B4GALT1: variants seen among roughly 807,000 people sequenced by gnomAD.
The protein encoded by B4GALT1 is N-acetyllactosamine synthase.
A neutral mutation model predicts 34.9 loss-of-function variants in B4GALT1; 16 were observed. The ratio of observed to expected loss-of-function variants is 0.46; its 90% CI spans 0.31 to 0.70. The LOEUF (loss-of-function observed/expected upper bound fraction) is 0.70, where lower values mean the gene tolerates loss of function less well. B4GALT1 is among the 30% of genes least tolerant of loss of function. The pLI is 0.05. For missense variants in B4GALT1, 445 were observed against 530.5 expected, an observed-to-expected ratio of 0.84 and a Z score of 1.58; for synonymous variants, 221 against 218.1, an observed-to-expected ratio of 1.01 and a Z score of -0.12.
At chr9:33,131,245 A>G (rs1840190222) in intron 2 of B4GALT1, among the ~76,000 whole-genome samples, 1 of 152,080 alleles carries the variant, frequency 6.6e-6, no homozygotes, top group Admixed American at 6.5e-5. Flanking sequence ...CCGCAGCCCT[A>G]CTGTTGTCTA....
Position 33,166,974 on chromosome 9 carries a change from T to A in B4GALT1, c.196A>T (p.Ser66Cys). Residue 66 changes from serine (S) to cysteine (C), a missense_variant, in exon 1 of 6, where the codon AGT becomes TGT. Physicochemically the swap from Ser to Cys is moderately radical, Grantham distance 112. Transcript: ENST00000379731. ...VSTPLQGGSN[S>C]AAAIGQSSGE... ...GAGGACTGCCCGATGGCGGCGGCAC[T>A]GTTCGAGCCGCCCTGCAGCGGTGTG... 1 of 1,584,090 alleles carries A rather than the reference T, an allele frequency of 6.3e-7. No individual in the cohort carries two copies. The highest frequency in any genetic ancestry group is 8.5e-7 in the Non-Finnish European group (1 of 1,172,094).
At chr9:33,154,868 T>C (rs990486550) in intron 1 of B4GALT1, among the ~76,000 whole-genome samples, 3 of 152,074 alleles carry the variant, frequency 2.0e-5, no homozygotes, top group Non-Finnish European at 4.4e-5. Flanking sequence ...CGGCTATAAT[T>C]AGTGTATTTT....
At chr9:33,128,126 A>G (rs536141085) in intron 2 of B4GALT1, among the ~76,000 whole-genome samples, 2 of 152,318 alleles carry the variant, frequency 1.3e-5, no homozygotes, top group South Asian at 4.1e-4. Context: ...TAGGAGGCGG[A>G]AAGTACAGAA....
At chr9:33,141,407 C>T (rs1199159928) in intron 1 of B4GALT1, among the ~76,000 whole-genome samples, 1 of 152,082 alleles carries the variant, frequency 6.6e-6, no homozygotes, top group Non-Finnish European at 1.5e-5. Context: ...ATCCCAGCTA[C>T]TTAGGAGGCT....
At chr9:33,172,401 C>T in the B4GALT1 span, among the ~76,000 whole-genome samples, 6 of 152,094 alleles carry the variant, frequency 3.9e-5, no homozygotes, top group Non-Finnish European at 5.9e-5. Flanking sequence ...TAGAATGAAA[C>T]GTGGTGGAAA....
At chr9:33,174,564 G>A in the B4GALT1 span, among the ~76,000 whole-genome samples, 1 of 151,966 alleles carries the variant, frequency 6.6e-6, no homozygotes, top group East Asian at 1.9e-4. Context: ...CAGGAGAATC[G>A]CTTAAACCTG....
At chr9:33,183,576 T>G in the B4GALT1 span, among the ~76,000 whole-genome samples, 2 of 127,002 alleles carry the variant, frequency 1.6e-5, no homozygotes, top group African/African-American at 3.0e-5. Flanking sequence ...TAGGTGGGAA[T>G]TGAACAATGA....
At chr9:33,136,006 G>A (rs1386152461) in intron 1 of B4GALT1, among the ~76,000 whole-genome samples, 1 of 151,838 alleles carries the variant, frequency 6.6e-6, no homozygotes, top group Non-Finnish European at 1.5e-5. Context: ...GGAGTGGCAT[G>A]AGTGCCCATG....
chr9:33,155,392 G>A (rs182708716), intron 1 of B4GALT1, among the ~76,000 whole-genome samples: 1 of 152,312 alleles, frequency 6.6e-6, no homozygotes, highest in East Asian at 1.9e-4. Context: ...TTGTTTTAAT[G>A]ATATACTTTC....
At position 33,115,972 on chromosome 9, in the gene B4GALT1, T is replaced by C. The variant is rs370361127; in HGVS notation, c.959+19A>G. On this transcript the variant is annotated intron_variant, in intron 4 of 5. Coordinates refer to ENST00000379731, the MANE Select transcript of B4GALT1 (RefSeq NM_001497.4). ...TGAAGGTTGACAGAGGAGAAAGATATCTAAGTTATGACCATTACCTGTTAA... is the reference window on the plus strand; with the variant it reads ...TGAAGGTTGACAGAGGAGAAAGATACCTAAGTTATGACCATTACCTGTTAA... 7.7e-5 allele frequency: 124 copies of C among 1,607,032 alleles called. No homozygotes were observed. In the East Asian group the frequency reaches 1.5e-3, roughly 20 times the overall value.
At chr9:33,115,854 A>T in intron 4 of B4GALT1, 137 bp downstream of exon 4, 1 of 1,142,708 alleles carries the variant, frequency 8.8e-7, no homozygotes, top group Non-Finnish European at 1.3e-6. Context: ...ACCTGTAGGA[A>T]GCCACACCTA....
intron 3 of B4GALT1, among the ~76,000 whole-genome samples, chr9:33,118,198 G>A (rs1564037037): frequency 6.6e-6 from 1 of 152,204 alleles, no homozygotes; most frequent in Non-Finnish European, 1.5e-5. Context: ...TTTCTGAAGA[G>A]TCTAAAAGTA....
chr9:33,107,075 C>G (rs1374428663), downstream of B4GALT1, among the ~76,000 whole-genome samples: 1 of 152,292 alleles, frequency 6.6e-6, no homozygotes, highest in South Asian at 2.1e-4. Flanking sequence ...CCTCTGGTTT[C>G]CAGTCTATTG....
At chr9:33,182,486 C>G in the B4GALT1 span, among the ~76,000 whole-genome samples, 1 of 152,186 alleles carries the variant, frequency 6.6e-6, no homozygotes, top group African/African-American at 2.4e-5. Flanking sequence ...AAAAAGGAAG[C>G]TAGAGGGTTA....
chr9:33,117,557 A>G (rs777344218), intron 3 of B4GALT1, among the ~76,000 whole-genome samples: 1 of 152,178 alleles, frequency 6.6e-6, no homozygotes, highest in Non-Finnish European at 1.5e-5. Flanking sequence ...TCTTTCTGGA[A>G]TCCAAAAAGA....
chr9:33,130,237 G>A (rs1201658753), intron 2 of B4GALT1, among the ~76,000 whole-genome samples: 2 of 152,140 alleles, frequency 1.3e-5, no homozygotes, highest in Non-Finnish European at 2.9e-5. Flanking sequence ...CCTTAATTTA[G>A]GGCTAGTGCT....
chr9:33,114,445 G>A (rs1564035490), intron 4 of B4GALT1, among the ~76,000 whole-genome samples: 1 of 152,214 alleles, frequency 6.6e-6, no homozygotes, highest in South Asian at 2.1e-4. Flanking sequence ...AAAGGGCCAG[G>A]CTAAGTCACA....
intron 1 of B4GALT1, among the ~76,000 whole-genome samples, chr9:33,158,022 T>C (rs1277828532): frequency 6.6e-6 from 1 of 152,234 alleles, no homozygotes; most frequent in African/African-American, 2.4e-5. Flanking sequence ...TTTTTATGTC[T>C]GCTTAGACAG....
chr9:33,145,550 C>T lies in B4GALT1; in HGVS notation c.413-10126G>A, dbSNP rs1008752146. 2.0e-5 allele frequency among the ~76,000 whole-genome samples: 3 copies of T among 152,294 alleles called. No homozygotes were observed. The East Asian group carries it at 5.8e-4, about 29-fold the overall frequency. On this transcript the variant is annotated intron_variant, in intron 1 of 5. Transcript: ENST00000379731. ...GGGCCAGGATCCACCTCGAATCAGA[C>T]CCTAGAGAATCCTGGCAGACAAGGG... is the stretch of plus-strand genomic sequence containing the variant.
Sources: gnomAD v4.1 joint callset for allele counts (sites outside exome capture counted in the v4.1 genomes callset) on GRCh38, gnomAD v4.1.1 for gene constraint, MANE v1.5 for transcripts, NCBI Gene and HGNC (gene_info 2026-07-23, HGNC 2026-07-21) for gene names.